Variants in FHIP2A observed in about 807,000 individuals in gnomAD.
FHIP2A encodes FHF complex subunit HOOK interacting protein 2A.
Under a neutral mutation model 93.5 loss-of-function variants are expected in FHIP2A, and 46 were observed. The ratio of observed to expected loss-of-function variants is 0.49; its 90% CI spans 0.39 to 0.63. The LOEUF is 0.63. Ranked by LOEUF, FHIP2A falls within the 20% of genes least tolerant of loss-of-function variation. The pLI, the probability that FHIP2A is intolerant of heterozygous loss-of-function variation, is 0.00. For missense variants in FHIP2A, 769 were observed against 909.7 expected, an observed-to-expected ratio of 0.85 and a Z score of 1.99; for synonymous variants, 332 against 326.5, an observed-to-expected ratio of 1.02 and a Z score of -0.18.
rs11196957 is a variant in FHIP2A, at chr10:114,862,134, A to C, written c.*594A>C. The C allele has an allele frequency of 0.11, 97,839 of 907,172 alleles. 5,611 individuals are homozygous for C. The highest frequency in any genetic ancestry group is 0.22 in the East Asian group (1,867 of 8,460). 56.2% of individuals were successfully genotyped at this position (907,172 alleles called of 1,614,324 possible). ...CAGCTTTTTTAAGAATAACAATTTA[A>C]TATGATAAATTCTTGATTAATATAA... On this transcript the variant is annotated 3_prime_UTR_variant, in exon 17 of 17. Transcript: ENST00000369248.
At chr10:114,833,685 A>AC (rs1456797009) in intron 3 of FHIP2A, among the ~76,000 whole-genome samples, 1 of 152,224 alleles carries the variant, frequency 6.6e-6, no homozygotes, top group Non-Finnish European at 1.5e-5. Context: ...AATAAAAAAA[A>AC]GAGATAGAAG....
At chr10:114,885,413 A>C (rs1566388244) in intron 16 of FHIP2A, among the ~76,000 whole-genome samples, 1 of 148,000 alleles carries the variant, frequency 6.8e-6, no homozygotes, top group Non-Finnish European at 1.5e-5. Flanking sequence ...AAAAAAAAAG[A>C]AAAAAAAAAG....
At chr10:114,887,552 T>TTCAC (rs1229621858) in intron 16 of FHIP2A, among the ~76,000 whole-genome samples, 2 of 152,218 alleles carry the variant, frequency 1.3e-5, no homozygotes, top group Non-Finnish European at 2.9e-5. Context: ...GACCTGACCC[T>TTCAC]AGGCAGTGTG....
chr10:114,886,463 C>T (rs768865025), intron 16 of FHIP2A, among the ~76,000 whole-genome samples: 2 of 151,632 alleles, frequency 1.3e-5, no homozygotes, highest in Non-Finnish European at 2.9e-5. Flanking sequence ...CAAATATGGC[C>T]TTAGATGTTA....
chr10:114,879,188 A>G (rs1006718377), intron 16 of FHIP2A, among the ~76,000 whole-genome samples: 20 of 152,154 alleles, frequency 1.3e-4, no homozygotes, highest in African/African-American at 4.6e-4. Context: ...CAAAGCCCTC[A>G]CTATTTCCAC....
rs2083799091 is a variant in FHIP2A, at chr10:114,861,429, T to C, written c.2193-6T>C. On this transcript the variant is annotated splice_region_variant and splice_polypyrimidine_tract_variant and intron_variant, in intron 16 of 16. Coordinates refer to ENST00000369248, the MANE Select transcript of FHIP2A (RefSeq NM_020940.4). ...ATTGATTTATTGTCTGTTTTTTCCT[T>C]ACCAGTATTGACCACATCACACTGC... 1.2e-6 allele frequency: 2 copies of C among 1,613,950 alleles called. No individual in the cohort carries two copies. Among genetic ancestry groups the C allele is most frequent in the Non-Finnish European group, 1.7e-6 (2 of 1,179,992 alleles).
chr10:114,885,930 G>A (rs1004430291), intron 16 of FHIP2A, among the ~76,000 whole-genome samples: 1 of 152,166 alleles, frequency 6.6e-6, no homozygotes, highest in African/African-American at 2.4e-5. Context: ...GTTGAAGGCT[G>A]TCAAAGAAAA....
chr10:114,879,771 C>T (rs1222999043), intron 16 of FHIP2A, among the ~76,000 whole-genome samples: 1 of 152,124 alleles, frequency 6.6e-6, no homozygotes, highest in African/African-American at 2.4e-5. Flanking sequence ...GATTGCCTGG[C>T]GTAATACAAG....
chr10:114,884,845 C>T (rs530448520), intron 16 of FHIP2A, among the ~76,000 whole-genome samples: 166 of 147,796 alleles, frequency 1.1e-3, no homozygotes, highest in African/African-American at 3.7e-3. Context: ...ACCTAGGAGG[C>T]GGAGGTTGCA....
chr10:114,830,601 G>A (rs1302705724), intron 1 of FHIP2A, among the ~76,000 whole-genome samples: 2 of 151,700 alleles, frequency 1.3e-5, no homozygotes, highest in Non-Finnish European at 2.9e-5. Context: ...AGTGTCAGGG[G>A]AGGAAAAAAA....
chr10:114,832,560 G>GA (rs926281874), intron 2 of FHIP2A, among the ~76,000 whole-genome samples: 5 of 150,654 alleles, frequency 3.3e-5, no homozygotes, highest in Admixed American at 6.6e-5. Context: ...CTGGCTAAGT[G>GA]AAAAAAAAAT....
At chr10:114,870,514 A>C (rs1477403839) in intron 16 of FHIP2A, among the ~76,000 whole-genome samples, 1 of 152,132 alleles carries the variant, frequency 6.6e-6, no homozygotes, top group Non-Finnish European at 1.5e-5. Flanking sequence ...GACTTTCCTA[A>C]ATGATCCTGC....
intron 7 of FHIP2A, 75 bp downstream of exon 7, chr10:114,844,012 G>A: frequency 7.9e-7 from 1 of 1,262,390 alleles, no homozygotes; most frequent in Non-Finnish European, 1.1e-6. Flanking sequence ...TTTCTATTTT[G>A]CAATGGTAGA....
chr10:114,868,811 A>G (rs945375513), downstream of FHIP2A, among the ~76,000 whole-genome samples: 15 of 152,140 alleles, frequency 9.9e-5, no homozygotes, highest in Non-Finnish European at 2.2e-4. Context: ...TCACACTATT[A>G]ATTTCTTCCA....
chr10:114,865,073 C>T (rs1049304160), downstream of FHIP2A, among the ~76,000 whole-genome samples: 11 of 152,188 alleles, frequency 7.2e-5, no homozygotes, highest in Non-Finnish European at 2.9e-5. Context: ...CTGCAACCTC[C>T]GCCCCCTGGG....
At chr10:114,881,198 T>G (rs2083915435) in intron 16 of FHIP2A, among the ~76,000 whole-genome samples, 1 of 152,324 alleles carries the variant, frequency 6.6e-6, no homozygotes, top group South Asian at 2.1e-4. Context: ...CGGAAATATT[T>G]TCCTTAGCTG....
At chr10:114,829,860 T>C (rs2083598133) in intron 1 of FHIP2A, among the ~76,000 whole-genome samples, 1 of 152,234 alleles carries the variant, frequency 6.6e-6, no homozygotes, top group East Asian at 1.9e-4. Context: ...GAAATACTTG[T>C]AGGTTTGCTA....
At chr10:114,857,823 A>C (rs1028256308) in intron 14 of FHIP2A, among the ~76,000 whole-genome samples, 8 of 152,174 alleles carry the variant, frequency 5.3e-5, no homozygotes, top group Non-Finnish European at 1.2e-4. Flanking sequence ...ATTTGAAAAA[A>C]TTCATAATAC....
At chr10:114,861,022 T>C in intron 15 of FHIP2A, 133 bp downstream of exon 15, 1 of 1,034,776 alleles carries the variant, frequency 9.7e-7, no homozygotes. Context: ...TTATACATTC[T>C]GAACTACTAT....
Sources: gnomAD v4.1 joint callset for allele counts (sites outside exome capture counted in the v4.1 genomes callset) on GRCh38, gnomAD v4.1.1 for gene constraint, MANE v1.5 for transcripts, NCBI Gene and HGNC (gene_info 2026-07-23, HGNC 2026-07-21) for gene names.